Variants in SERPINB13 observed in about 807,000 individuals in gnomAD.
SERPINB13 encodes the protein serpin family B member 13, also known as serpin B13.
A neutral mutation model predicts 31.2 loss-of-function variants in SERPINB13; 26 were observed. The ratio of observed to expected loss-of-function variants is 0.83; its 90% CI spans 0.61 to 1.15. The LOEUF (loss-of-function observed/expected upper bound fraction) is 1.15. Ranked by LOEUF, SERPINB13 falls within the 50% of genes most tolerant of loss-of-function variation. The probability of loss-of-function intolerance (pLI) is 0.00; values close to 1 mark genes in which losing one functional copy is unlikely to be tolerated. For synonymous variants in SERPINB13, 191 were observed against 172.4 expected (o/e 1.11, Z -0.85); for missense variants, 510 against 469.4 (o/e 1.09, Z -0.80).
chr18:63,597,418 C>T lies in SERPINB13; in HGVS notation c.*55C>T, dbSNP rs139405813. On this transcript the variant is annotated 3_prime_UTR_variant, in exon 8 of 8. Transcript: ENST00000344731. ...TAGCAAAAAACAACTACCAGTGTTACTCATATGATTATGAAAATCGTCCAT... is the reference window on the plus strand; with the variant it reads ...TAGCAAAAAACAACTACCAGTGTTATTCATATGATTATGAAAATCGTCCAT... 5.9e-4 allele frequency: 884 copies of T among 1,499,936 alleles called. 8 individuals are homozygous for T. The African/African-American group carries it at 0.011, about 19-fold the overall frequency. 92.9% of individuals were successfully genotyped at this position (1,499,936 alleles called of 1,614,324 possible). A position where few individuals can be genotyped will look rare whatever the true frequency, so the allele number is the denominator to read the frequency against.
intron 4 of SERPINB13, 121 bp from the exon 5 acceptor site, chr18:63,592,732 GC>G (rs1911927841): frequency 1.3e-6 from 1 of 743,110 alleles, no homozygotes; most frequent in Admixed American, 2.6e-5. Flanking sequence ...GATGCCCAGG[GC>G]CTTAAAATTT....
In SERPINB13 at chr18:63,597,687, C is replaced by G. The variant is rs551606590; in HGVS notation, c.*324C>G. The G allele has an allele frequency of 4.6e-6, 1 of 217,264 alleles. No individual in the cohort carries two copies. Among genetic ancestry groups the G allele is most frequent in the African/African-American group, 2.2e-5 (1 of 44,524 alleles). The allele number at this position is 217,264 out of a possible 1,614,324, so 13.5% of individuals were successfully genotyped here. On this transcript the variant is annotated 3_prime_UTR_variant, in exon 8 of 8. Transcript: ENST00000344731. ...GAGAAAGTCTCTCCAGTAAAGAGTA[C>G]GAACTAGTAATTTTGGGGGGTCTCT...
At chr18:63,590,641 C>G (rs995376189) in intron 3 of SERPINB13, among the ~76,000 whole-genome samples, 1 of 152,184 alleles carries the variant, frequency 6.6e-6, no homozygotes, top group Admixed American at 6.5e-5. Flanking sequence ...CCATGTAGAA[C>G]CTTTGTGCAA....
At chr18:63,588,960 T>C in intron 2 of SERPINB13, 128 bp downstream of exon 2, 2 of 1,040,964 alleles carry the variant, frequency 1.9e-6, no homozygotes, top group South Asian at 1.8e-5. Context: ...ACAGAGACTT[T>C]CAAGACAAGG....
chr18:63,594,330 C>A (rs754361059), intron 5 of SERPINB13, 25 bp from the exon 6 acceptor site: 5 of 1,613,126 alleles, frequency 3.1e-6, no homozygotes, highest in Admixed American at 1.7e-5. Context: ...GATGGGTCAA[C>A]CTTTTTCTGT....
intron 6 of SERPINB13, among the ~76,000 whole-genome samples, 181 bp from the exon 7 acceptor site, chr18:63,594,847 CA>C (rs976918531): frequency 7.9e-5 from 12 of 151,824 alleles, no homozygotes; most frequent in Non-Finnish European, 1.6e-4. Context: ...CCCACCCCCC[CA>C]AAAAAATCTA....
Position 63,595,054 on chromosome 18 carries a change from T to A in SERPINB13, c.641T>A (p.Met214Lys), listed in dbSNP as rs1912081687. Residue 214 changes from methionine (M) to lysine (K), a missense_variant, in exon 7 of 8, where the codon ATG becomes AAG. Physicochemically the swap from Met to Lys is moderately conservative, Grantham distance 95. Transcript: ENST00000344731. Reference sequence around the variant, plus strand: ...AGCACAAGTAAATCTGTACAGATGATGACACAGAGCCATTCCTTTAGCTTC... The same window carrying A: ...AGCACAAGTAAATCTGTACAGATGAAGACACAGAGCCATTCCTTTAGCTTC... ...NKSTSKSVQM[M>K]TQSHSFSFTF... is the part of the protein sequence containing the mutation. 6.2e-7 allele frequency: 1 copy of A among 1,613,712 alleles called. No individual in the cohort carries two copies. The highest frequency in any genetic ancestry group is 1.1e-5 in the South Asian group (1 of 90,990).
At chr18:63,594,580 C>T (rs1912050645) in intron 6 of SERPINB13, 83 bp downstream of exon 6, 3 of 1,477,322 alleles carry the variant, frequency 2.0e-6, no homozygotes, top group South Asian at 1.3e-5. Flanking sequence ...GTGGCTGACA[C>T]CTGTAATCCC....
intron 5 of SERPINB13, chr18:63,594,129 G>A (rs1912013227): frequency 6.9e-7 from 1 of 1,442,294 alleles, no homozygotes; most frequent in South Asian, 1.2e-5. Context: ...CCAGAGTCTG[G>A]ACTCTTAACC....
At chr18:63,588,971 A>G in intron 2 of SERPINB13, 139 bp downstream of exon 2, 2 of 943,004 alleles carry the variant, frequency 2.1e-6, no homozygotes, top group Non-Finnish European at 3.1e-6. Flanking sequence ...CAAGACAAGG[A>G]GCAATTTCAG....
intron 7 of SERPINB13, among the ~76,000 whole-genome samples, 181 bp from the exon 8 acceptor site, chr18:63,596,775 GATA>G (rs1303326947): frequency 6.6e-6 from 1 of 152,100 alleles, no homozygotes; most frequent in Non-Finnish European, 1.5e-5. Context: ...CATATACACA[GATA>G]ATTTAAACAG....
At position 63,597,452 on chromosome 18, in the gene SERPINB13, ATGT is replaced by A; in HGVS notation, c.*93_*95del. 1 of 1,365,536 alleles carries A rather than the reference ATGT, an allele frequency of 7.3e-7. No individual in the cohort carries two copies. Among genetic ancestry groups the A allele is most frequent in the East Asian group, 2.3e-5 (1 of 43,420 alleles). 84.6% of individuals were successfully genotyped at this position (1,365,536 alleles called of 1,614,324 possible). ...TTATGAAAATCGTCCATTCTTTTAA[ATGT>A]TGTCTCACTTGCATTTCCAGTCTTG... On this transcript the variant is annotated 3_prime_UTR_variant, in exon 8 of 8. Coordinates refer to ENST00000344731, the MANE Select transcript of SERPINB13 (RefSeq NM_012397.4).
At chr18:63,589,462 C>CACACACACAT (rs1454660158) in intron 2 of SERPINB13, among the ~76,000 whole-genome samples, 194 bp from the exon 3 acceptor site, 5 of 101,448 alleles carry the variant, frequency 4.9e-5, no homozygotes, top group Non-Finnish European at 1.3e-4. Flanking sequence ...CACACACACA[C>CACACACACAT]ACACACACAC....
In SERPINB13 at chr18:63,594,097, A is replaced by G. The variant is rs1182110296; in HGVS notation, c.473-258A>G. 3.0e-6 allele frequency: 4 copies of G among 1,321,466 alleles called. No homozygotes were observed. The South Asian group carries it at 5.0e-5, about 16-fold the overall frequency. The allele number at this position is 1,321,466 out of a possible 1,614,324, so 81.9% of individuals were successfully genotyped here. A position where few individuals can be genotyped will look rare whatever the true frequency, so the allele number is the denominator to read the frequency against. On this transcript the variant is annotated intron_variant, in intron 5 of 7. Transcript: ENST00000344731. ...CCTCAGCTGATAAGAGGCAAACTGG[A>G]TGCTAACAGAGGCATCTGACCCCAG... is the stretch of plus-strand genomic sequence containing the variant.
rs1911911203 is a variant in SERPINB13 at position 63,592,461 on chromosome 18, A to G, written c.339A>G (p.Thr113=). 4 of 1,613,484 alleles carry G rather than the reference A, an allele frequency of 2.5e-6. No individual in the cohort carries two copies. The highest frequency in any genetic ancestry group is 3.4e-6 in the Non-Finnish European group (4 of 1,179,786). The change falls in exon 4 of 8, where the codon ACA becomes ACG. Residue 113 remains threonine, a synonymous_variant. Coordinates refer to ENST00000344731, the MANE Select transcript of SERPINB13 (RefSeq NM_012397.4). The stretch of plus-strand genomic sequence containing the variant: ...CCAACAGGCTGTTTGGAGAAAAAAC[A>G]TACCTCTTCCTTCAAGTAAGTTTGC... ...NITNRLFGEK[T]YLFLQKYLDY...
intron 3 of SERPINB13, among the ~76,000 whole-genome samples, chr18:63,591,915 C>T (rs926548218): frequency 6.6e-6 from 1 of 151,938 alleles, no homozygotes; most frequent in African/African-American, 2.4e-5. Context: ...GTGACTCATA[C>T]CATTAGGAGT....
intron 5 of SERPINB13, chr18:63,594,014 C>A (rs1406090192): frequency 3.7e-6 from 2 of 536,662 alleles, no homozygotes; most frequent in Admixed American, 2.3e-5. Context: ...AGATTTTATT[C>A]CTATTTTACA....
chr18:63,596,491 T>C (rs1912174390), intron 7 of SERPINB13, among the ~76,000 whole-genome samples: 1 of 152,214 alleles, frequency 6.6e-6, no homozygotes. Context: ...ACTAAATGTT[T>C]GTAAAGTGAA....
At chr18:63,593,005 A>G (rs1237271101) in intron 5 of SERPINB13, 34 bp downstream of exon 5, 1 of 1,346,818 alleles carries the variant, frequency 7.4e-7, no homozygotes, top group Non-Finnish European at 1.0e-6. Context: ...TTGCAAAAAA[A>G]CAAAAACAAA....
Sources: allele counts gnomAD v4.1 joint callset (sites outside exome capture counted in the v4.1 genomes callset), GRCh38; gene constraint gnomAD v4.1.1; transcripts MANE v1.5; gene names NCBI Gene and HGNC (gene_info 2026-07-23, HGNC 2026-07-21).